TERF1: variants seen among roughly 807,000 people sequenced by gnomAD.
TERF1 encodes telomeric repeat binding factor 1, also known as telomeric repeat-binding factor 1.
TERF1 carries 20 observed loss-of-function variants against 55.1 expected under a neutral mutation model. That is an observed-to-expected ratio of 0.36 (90% confidence interval 0.26 to 0.53). The LOEUF (loss-of-function observed/expected upper bound fraction) is 0.53. Ranked by LOEUF, TERF1 falls within the 20% of genes least tolerant of loss-of-function variation. TERF1 has a pLI of 0.91. For missense variants in TERF1, 439 were observed against 535.7 expected (o/e 0.82, Z 1.78); for synonymous variants, 168 against 181.2 (o/e 0.93, Z 0.59).
intron 9 of TERF1, among the ~76,000 whole-genome samples, chr8:73,045,235 T>TG (rs1397982012): frequency 2.0e-5 from 3 of 152,212 alleles, no homozygotes; most frequent in Non-Finnish European, 4.4e-5. Flanking sequence ...TGTGGGTTGA[T>TG]GAACCGGGTT....
At chr8:73,044,946 A>C (rs1490980955) in intron 9 of TERF1, among the ~76,000 whole-genome samples, 4 of 152,196 alleles carry the variant, frequency 2.6e-5, no homozygotes, top group Non-Finnish European at 4.4e-5. Flanking sequence ...GTTGGGTTGC[A>C]TCCACATTTT....
At chr8:73,020,908 T>C in intron 3 of TERF1, 103 bp downstream of exon 3, 2 of 776,192 alleles carry the variant, frequency 2.6e-6, no homozygotes, top group Non-Finnish European at 4.0e-6. Context: ...AAATTTAATG[T>C]ATTGTTTCTC....
At chr8:73,029,616 G>A (rs540371695) in intron 6 of TERF1, among the ~76,000 whole-genome samples, 187 of 151,782 alleles carry the variant, frequency 1.2e-3, no homozygotes, top group African/African-American at 4.3e-3. Flanking sequence ...AAAAAAAAAA[G>A]GGGGTGTAAT....
chr8:73,024,785 G>A (rs369700427), intron 4 of TERF1, 37 bp from the exon 5 acceptor site: 157 of 1,435,414 alleles, frequency 1.1e-4, no homozygotes, highest in Non-Finnish European at 1.4e-4. Context: ...GTAACTTTGT[G>A]TGATTTATGT....
chr8:73,044,344 C>T (rs1388712919), intron 9 of TERF1, among the ~76,000 whole-genome samples: 2 of 152,106 alleles, frequency 1.3e-5, no homozygotes, highest in African/African-American at 4.8e-5. Flanking sequence ...AGAGGAATAG[C>T]AAGAACAGGG....
chr8:73,026,885 A>G (rs1809029394), intron 5 of TERF1, 55 bp from the exon 6 acceptor site: 4 of 1,322,622 alleles, frequency 3.0e-6, no homozygotes, highest in Non-Finnish European at 4.3e-6. Context: ...CTATTTGTTT[A>G]AAATGGCTTA....
intron 6 of TERF1, 138 bp from the exon 7 acceptor site, chr8:73,030,187 AATGGACTGTAT>A (rs1245713890): frequency 2.2e-6 from 1 of 465,062 alleles, no homozygotes; most frequent in African/African-American, 2.0e-5. Context: ...GCCATGTTGT[AATGGACTGTAT>A]ATGTCCCGAT....
intron 6 of TERF1, 149 bp from the exon 7 acceptor site, chr8:73,030,187 A>G: frequency 2.1e-6 from 1 of 465,180 alleles, no homozygotes. Flanking sequence ...GCCATGTTGT[A>G]ATGGACTGTA....
chr8:73,034,329 G>A (rs1233560860), intron 8 of TERF1, among the ~76,000 whole-genome samples: 19 of 151,490 alleles, frequency 1.3e-4, no homozygotes, highest in Non-Finnish European at 1.6e-4. Flanking sequence ...ACGGGGTTTC[G>A]CCATGTTGGC....
chr8:73,015,136 A>G (rs1021988172), intron 2 of TERF1, among the ~76,000 whole-genome samples: 2 of 152,124 alleles, frequency 1.3e-5, no homozygotes, highest in African/African-American at 4.8e-5. Flanking sequence ...TCCAGATTTT[A>G]TGTGTGATCT....
rs1810091710 is a variant in TERF1 at position 73,047,502 on chromosome 8, T to C, written c.*1365T>C. On this transcript the variant is annotated 3_prime_UTR_variant, in exon 10 of 10. Transcript: ENST00000276603. ...GGTCATACATACCTTACTAAACAAT[T>C]TTGGTTTTTCACCAACATTTTATTC... 1 of 152,088 alleles carries C rather than the reference T, an allele frequency of 6.6e-6. No individual in the cohort carries two copies. Among genetic ancestry groups the C allele is most frequent in the Non-Finnish European group, 1.5e-5 (1 of 68,006 alleles). The allele number at this position is 152,088 out of a possible 1,614,324, so 9.4% of individuals were successfully genotyped here. A position where few individuals can be genotyped will look rare whatever the true frequency, so the allele number is the denominator to read the frequency against.
intron 9 of TERF1, among the ~76,000 whole-genome samples, chr8:73,043,993 A>G (rs1249918724): frequency 1.3e-5 from 2 of 152,230 alleles, no homozygotes; most frequent in East Asian, 1.9e-4. Context: ...TTTAGATACT[A>G]TACTTTTCTG....
At position 73,009,080 on chromosome 8, in the gene TERF1, G is replaced by A; in HGVS notation, c.194G>A (p.Gly65Asp). Reference protein sequence around the residue: ...EEEEEEEEDAGLVAEAEAVAA... With the variant: ...EEEEEEEEDADLVAEAEAVAA... ...GAGGAGGAGGAGGAGGAGGACGCGG[G>A]CCTGGTGGCCGAGGCCGAGGCCGTG... The change falls in exon 1 of 10, where the codon GGC (glycine) becomes GAC (aspartate). Residue 65 changes from glycine to aspartate, a missense_variant. By Grantham distance (94) the Gly-to-Asp change is moderately conservative. Transcript: ENST00000276603. 2 of 1,608,848 alleles carry A rather than the reference G, an allele frequency of 1.2e-6. No homozygotes were observed. The highest frequency in any genetic ancestry group is 1.7e-6 in the Non-Finnish European group (2 of 1,178,406).
At chr8:73,020,852 A>T in intron 3 of TERF1, 47 bp downstream of exon 3, 1 of 1,124,518 alleles carries the variant, frequency 8.9e-7, no homozygotes, top group South Asian at 1.5e-5. Flanking sequence ...AGAAAATAAC[A>T]TTTAAAAGAA....
chr8:73,009,238 G>T, intron 1 of TERF1, 33 bp downstream of exon 1: 1 of 1,582,616 alleles, frequency 6.3e-7, no homozygotes, highest in Non-Finnish European at 8.6e-7. Flanking sequence ...CCGGGACTAC[G>T]CGGGGGGCGG....
intron 9 of TERF1, among the ~76,000 whole-genome samples, chr8:73,041,168 G>A (rs555824319): frequency 6.6e-6 from 1 of 152,262 alleles, no homozygotes; most frequent in African/African-American, 2.4e-5. Context: ...ATATTTTGCT[G>A]ATAGCTAGAC....
intron 4 of TERF1, among the ~76,000 whole-genome samples, chr8:73,023,329 G>T (rs548281128): frequency 1.3e-5 from 2 of 152,220 alleles, no homozygotes; most frequent in Non-Finnish European, 2.9e-5. Flanking sequence ...AGGCAAATAT[G>T]TAGTGCTATC....
chr8:73,014,250 A>T (rs1245328671), intron 2 of TERF1, among the ~76,000 whole-genome samples: 1 of 152,114 alleles, frequency 6.6e-6, no homozygotes, highest in African/African-American at 2.4e-5. Flanking sequence ...TATTAAAAAA[A>T]AAAAAACATA....
intron 6 of TERF1, among the ~76,000 whole-genome samples, chr8:73,029,580 C>CAGCCTG (rs71300659): frequency 0.4 from 60,172 of 150,612 alleles, 12,471 homozygotes; most frequent in Middle Eastern, 0.46. Context: ...CACTGCACTC[C>CAGCCTG]GGTGACCCTC....
Sources: allele counts gnomAD v4.1 joint callset (sites outside exome capture counted in the v4.1 genomes callset), GRCh38; gene constraint gnomAD v4.1.1; transcripts MANE v1.5; gene names NCBI Gene and HGNC (gene_info 2026-07-23, HGNC 2026-07-21).